Variants in DMD observed in about 807,000 individuals in gnomAD.
DMD encodes the protein mutant dystrophin.
DMD carries 63 observed loss-of-function variants against 330.1 expected under a neutral mutation model. The ratio of observed to expected loss-of-function variants is 0.19; its 90% confidence interval spans 0.16 to 0.24. The LOEUF (loss-of-function observed/expected upper bound fraction) is 0.24. Among genes scored for constraint, DMD ranks in the 10% least tolerant of loss-of-function variants. The pLI is 1.00. For missense variants in DMD, 3,344 were observed against 2,684.1 expected (o/e 1.25, Z -5.43); for synonymous variants, 1,223 against 959.8 (o/e 1.27, Z -5.07).
chrX:32,773,571 C>G (rs2073855141), intron 7 of DMD, among the ~76,000 whole-genome samples: 1 of 104,940 alleles, frequency 9.5e-6, no homozygotes, highest in Non-Finnish European at 1.9e-5. Flanking sequence ...GTCCTCCCCA[C>G]TTACCCTTCT....
chrX:32,841,314 A>G (rs780070881), intron 4 of DMD, among the ~76,000 whole-genome samples: 2 of 112,039 alleles, frequency 1.8e-5, no homozygotes, highest in African/African-American at 3.2e-5. Context: ...TATAGATTTA[A>G]CTCAATGTTA....
chrX:32,033,642 A>AAAG (rs1557081154), intron 44 of DMD, among the ~76,000 whole-genome samples: 892 of 60,396 alleles, frequency 0.015, 17 homozygotes, highest in African/African-American at 0.056. Flanking sequence ...AGAAAGAAAG[A>AAAG]AAGAAAGAAA....
At chrX:32,205,015 A>ACACACACC (rs1754119340) in intron 44 of DMD, among the ~76,000 whole-genome samples, 1 of 63,855 alleles carries the variant, frequency 1.6e-5, no homozygotes, top group Non-Finnish European at 3.3e-5. Context: ...TCACATACAC[A>ACACACACC]CACACACACA....
At chrX:32,684,018 T>TACACACACAC (rs369735561) in intron 9 of DMD, among the ~76,000 whole-genome samples, 21 of 70,950 alleles carry the variant, frequency 3.0e-4, no homozygotes, top group African/African-American at 1.0e-3. Flanking sequence ...CACACATACA[T>TACACACACAC]ACACACACAC....
At chrX:32,199,781 T>TGTGTGG in intron 44 of DMD, among the ~76,000 whole-genome samples, 1 of 1,727 alleles carries the variant, frequency 5.8e-4, no homozygotes, top group Admixed American at 6.8e-3. Context: ...GCAAGGCTTT[T>TGTGTGG]GTGTGTGTGT....
At chrX:31,190,626 G>GGGA (rs2042246367) in intron 67 of DMD, among the ~76,000 whole-genome samples, 1 of 45,414 alleles carries the variant, frequency 2.2e-5, no homozygotes, top group Non-Finnish European at 4.3e-5. Context: ...GGAGGGCGGG[G>GGGA]AGGGGGTGCT....
At chrX:31,209,733 A>C (rs1162273991) in intron 64 of DMD, 34 bp from the exon 65 acceptor site, 2 of 1,172,041 alleles carry the variant, frequency 1.7e-6, no homozygotes, top group African/African-American at 1.8e-5. Flanking sequence ...AAATGACTCA[A>C]AGAGTAAAAC....
chrX:32,745,244 T>C (rs1384805154), intron 7 of DMD, among the ~76,000 whole-genome samples: 1 of 112,154 alleles, frequency 8.9e-6, no homozygotes, highest in East Asian at 2.8e-4. Flanking sequence ...TTTTTATAAC[T>C]TCAAACATTC....
rs766800436 is a variant in DMD at position 32,889,986 on chromosome X, G to T, written c.94-40166C>A. Among the ~76,000 whole-genome samples, 4 of 111,681 alleles carry T rather than the reference G, an allele frequency of 3.6e-5. No individual in the cohort carries two copies. In the South Asian group the frequency reaches 1.5e-3, roughly 42 times the overall value. On this transcript the variant is annotated intron_variant, in intron 2 of 78. Coordinates refer to ENST00000357033, the MANE Select transcript of DMD (RefSeq NM_004006.3). ...GAGATGAAATATGCAGGATCTACCGGAAAGTAGGCTTTATATATAAATTAA... is the reference window on the plus strand; with the variant it reads ...GAGATGAAATATGCAGGATCTACCGTAAAGTAGGCTTTATATATAAATTAA...
rs182846943 is a variant in DMD, at chrX:31,249,410, T to C, written c.9286+11545A>G. 7.7e-3 allele frequency among the ~76,000 whole-genome samples: 853 copies of C among 111,108 alleles called. 6 individuals are homozygous for C. Among genetic ancestry groups the C allele is most frequent in the African/African-American group, 0.026 (784 of 30,497 alleles). On this transcript the variant is annotated intron_variant, in intron 63 of 78. Transcript: ENST00000357033. The stretch of plus-strand genomic sequence containing the variant: ...GCAGACGCCACCACTTCTGGCTTTT[T>C]TAAATTTTTATTTTAGTAGAGATGG...
At chrX:33,005,804 A>T (rs146813919) in intron 2 of DMD, among the ~76,000 whole-genome samples, 2 of 111,067 alleles carry the variant, frequency 1.8e-5, no homozygotes, top group African/African-American at 3.3e-5. Flanking sequence ...TGGAATGTAG[A>T]AATGAAGCTG....
intron 63 of DMD, among the ~76,000 whole-genome samples, chrX:31,255,969 G>A (rs758987126): frequency 2.7e-5 from 3 of 109,225 alleles, no homozygotes; most frequent in Non-Finnish European, 5.7e-5. Context: ...TAAAGATGGG[G>A]TTTCACCATG....
At chrX:32,997,289 A>G (rs2093148214) in intron 2 of DMD, among the ~76,000 whole-genome samples, 1 of 105,497 alleles carries the variant, frequency 9.5e-6, no homozygotes, top group Non-Finnish European at 1.9e-5. Context: ...CTGTGCACCC[A>G]GGCTGGAGTG....
intron 59 of DMD, among the ~76,000 whole-genome samples, chrX:31,473,460 G>A (rs1335084441): frequency 6.4e-5 from 7 of 109,386 alleles, no homozygotes; most frequent in African/African-American, 1.7e-4. Context: ...GGTGGCTCAC[G>A]CCTGTAATCC....
At position 32,085,116 on chromosome X, in the gene DMD, AAAC is replaced by A. The variant is rs1234111927; in HGVS notation, c.6439-116605_6439-116603del. Among the ~76,000 whole-genome samples the A allele has an allele frequency of 1.6e-3, 175 of 111,100 alleles. 1 individual carries two copies. Among genetic ancestry groups the A allele is most frequent in the African/African-American group, 5.4e-3 (165 of 30,630 alleles). ...GCAAGAAATATATGAAGAAAAAAGA[AAAC>A]AACTTGAGAGGTGAGATACTTGCCA... On this transcript the variant is annotated intron_variant, in intron 44 of 78. Coordinates refer to ENST00000357033, the MANE Select transcript of DMD (RefSeq NM_004006.3).
chrX:32,514,954 G>C (rs1239962930), intron 18 of DMD, among the ~76,000 whole-genome samples: 2 of 111,922 alleles, frequency 1.8e-5, no homozygotes, highest in Non-Finnish European at 3.8e-5. Context: ...TCTTCAATGA[G>C]AAAATATGAT....
rs1603094508 is a variant in DMD, at chrX:32,694,051, A to C, written c.960+3819T>G. Among the ~76,000 whole-genome samples the C allele has an allele frequency of 7.2e-5, 8 of 111,796 alleles. No homozygotes were observed. In the Admixed American group the frequency reaches 7.6e-4, roughly 11 times the overall value. On this transcript the variant is annotated intron_variant, in intron 9 of 78. Transcript: ENST00000357033. ...AATTTTCAATCATCATGTTATTTGA[A>C]CTCATCAGCAATATTTAATGTAGTT... is the stretch of plus-strand genomic sequence containing the variant.
chrX:33,009,660 GTA>G lies in DMD; in HGVS notation c.93+10477_93+10478del, dbSNP rs1326889331. 1.8e-4 allele frequency among the ~76,000 whole-genome samples: 7 copies of G among 38,159 alleles called. 1 individual carries two copies. Among genetic ancestry groups the G allele is most frequent in the Non-Finnish European group, 5.2e-5 (1 of 19,228 alleles). 33.1% of individuals were successfully genotyped at this position (38,159 alleles called of 115,157 possible). A position where few individuals can be genotyped will look rare whatever the true frequency, so the allele number is the denominator to read the frequency against. On this transcript the variant is annotated intron_variant, in intron 2 of 78. Transcript: ENST00000357033. The stretch of plus-strand genomic sequence containing the variant: ...TATATACACATATGTGTGTATACGT[GTA>G]TATGTGTATACGTATATGTGTATAT...
chrX:32,017,563 C>T (rs1412403191), intron 44 of DMD, among the ~76,000 whole-genome samples: 2 of 111,819 alleles, frequency 1.8e-5, no homozygotes, highest in Non-Finnish European at 3.8e-5. Context: ...CTACACTCTG[C>T]TAAAATGTGT....
Sources: allele counts gnomAD v4.1 joint callset (sites outside exome capture counted in the v4.1 genomes callset), GRCh38; gene constraint gnomAD v4.1.1; transcripts MANE v1.5; gene names NCBI Gene and HGNC (gene_info 2026-07-23, HGNC 2026-07-21).